BMP5: variants seen among roughly 807,000 people sequenced by gnomAD.
The protein encoded by BMP5 is bone morphogenetic protein 5.
A neutral mutation model predicts 46.6 loss-of-function variants in BMP5; 23 were observed. The observed-to-expected ratio is 0.49, with a 90% CI of 0.35 to 0.70. The LOEUF (loss-of-function observed/expected upper bound fraction) is 0.70. BMP5 is among the 30% of genes least tolerant of loss of function. The probability of loss-of-function intolerance (pLI) is 0.00; values close to 1 mark genes in which losing one functional copy is unlikely to be tolerated. For missense variants in BMP5, 545 were observed against 565.6 expected, an observed-to-expected ratio of 0.96 and a Z score of 0.37; for synonymous variants, 204 against 191.9, an observed-to-expected ratio of 1.06 and a Z score of -0.52.
At chr6:55,770,959 T>C (rs747613560) in intron 4 of BMP5, among the ~76,000 whole-genome samples, 3 of 151,898 alleles carry the variant, frequency 2.0e-5, no homozygotes, top group East Asian at 1.9e-4. Flanking sequence ...ACTGATAACA[T>C]AAACCATAAC....
At chr6:55,852,672 C>T (rs1227110007) in intron 1 of BMP5, among the ~76,000 whole-genome samples, 1 of 152,006 alleles carries the variant, frequency 6.6e-6, no homozygotes, top group Non-Finnish European at 1.5e-5. Flanking sequence ...CTAAAGAAAG[C>T]AATATTATCA....
intron 1 of BMP5, among the ~76,000 whole-genome samples, chr6:55,835,599 T>C (rs1363506235): frequency 3.3e-5 from 5 of 152,222 alleles, no homozygotes; most frequent in African/African-American, 9.6e-5. Context: ...AGTACTGTTG[T>C]GTTTAATGCT....
chr6:55,788,594 G>T (rs1775503091), intron 3 of BMP5, among the ~76,000 whole-genome samples: 1 of 151,752 alleles, frequency 6.6e-6, no homozygotes, highest in African/African-American at 2.4e-5. Context: ...AAAAGTCTGT[G>T]CAATCTCTAG....
At chr6:55,862,070 A>G (rs1392032032) in intron 1 of BMP5, among the ~76,000 whole-genome samples, 2 of 152,266 alleles carry the variant, frequency 1.3e-5, no homozygotes, top group Non-Finnish European at 2.9e-5. Context: ...TGTAGCAAAC[A>G]GAATATCCAC....
Position 55,755,623 on chromosome 6 carries a change from A to G in BMP5, c.1275T>C (p.Asn425=), listed in dbSNP as rs1190021917. The change falls in exon 7 of 7, where the codon AAT becomes AAC. Residue 425 remains asparagine (N), a synonymous_variant. Coordinates refer to ENST00000370830, the MANE Select transcript of BMP5 (RefSeq NM_021073.4). ...CATCAAAGTACAGAACAGAGATGGC[A>G]TTTAATTTGGTTGGAGCACAACAAG... ...PKPCCAPTKL[N]AISVLYFDDS... 1 of 1,612,374 alleles carries G rather than the reference A, an allele frequency of 6.2e-7. No homozygotes were observed. The highest frequency in any genetic ancestry group is 8.5e-7 in the Non-Finnish European group (1 of 1,178,890).
intron 3 of BMP5, among the ~76,000 whole-genome samples, chr6:55,779,703 T>C (rs1775261428): frequency 6.6e-6 from 1 of 152,066 alleles, no homozygotes; most frequent in African/African-American, 2.4e-5. Flanking sequence ...GTAATCTAGC[T>C]ACAAATTTCA....
intron 1 of BMP5, among the ~76,000 whole-genome samples, chr6:55,847,572 G>T (rs1021102777): frequency 6.6e-6 from 1 of 151,882 alleles, no homozygotes; most frequent in Non-Finnish European, 1.5e-5. Flanking sequence ...GCCAAAAAAA[G>T]TGCTATTATT....
At chr6:55,858,720 A>G (rs1777458587) in intron 1 of BMP5, among the ~76,000 whole-genome samples, 1 of 152,236 alleles carries the variant, frequency 6.6e-6, no homozygotes, top group Non-Finnish European at 1.5e-5. Context: ...AATAGCAAAG[A>G]CTTGGGTCCA....
chr6:55,795,763 G>A (rs1164015049), intron 2 of BMP5, among the ~76,000 whole-genome samples: 1 of 152,024 alleles, frequency 6.6e-6, no homozygotes, highest in Non-Finnish European at 1.5e-5. Context: ...AACTATGAAT[G>A]TTTTATTGTC....
At chr6:55,764,486 C>T (rs954038026) in intron 4 of BMP5, among the ~76,000 whole-genome samples, 13 of 150,208 alleles carry the variant, frequency 8.7e-5, no homozygotes, top group Middle Eastern at 3.5e-3. Flanking sequence ...GGCAGGAGAA[C>T]GGCGTGAACC....
At chr6:55,839,697 C>G (rs975230619) in intron 1 of BMP5, among the ~76,000 whole-genome samples, 1 of 152,162 alleles carries the variant, frequency 6.6e-6, no homozygotes, top group African/African-American at 2.4e-5. Flanking sequence ...GTTATATGTA[C>G]ATTTTCTTTA....
intron 3 of BMP5, among the ~76,000 whole-genome samples, chr6:55,781,677 G>C (rs369134882): frequency 6.7e-6 from 1 of 149,642 alleles, no homozygotes; most frequent in African/African-American, 2.5e-5. Flanking sequence ...ATGTGATTTC[G>C]GCTCACTGCA....
intron 1 of BMP5, among the ~76,000 whole-genome samples, chr6:55,867,958 C>T (rs1328134440): frequency 6.6e-6 from 1 of 152,144 alleles, no homozygotes; most frequent in Admixed American, 6.5e-5. Flanking sequence ...AAGAAAGCAA[C>T]TAAATTTAAT....
intron 1 of BMP5, among the ~76,000 whole-genome samples, chr6:55,852,788 T>A (rs1481486705): frequency 6.6e-6 from 1 of 152,162 alleles, no homozygotes; most frequent in Non-Finnish European, 1.5e-5. Flanking sequence ...TCTTCTGTTG[T>A]TTATTTTGCC....
intron 4 of BMP5, chr6:55,772,713 A>T: frequency 1.0e-6 from 1 of 976,984 alleles, no homozygotes; most frequent in Non-Finnish European, 1.2e-6. Flanking sequence ...AAAAGTGGTT[A>T]AATTTCTTTG....
intron 2 of BMP5, among the ~76,000 whole-genome samples, chr6:55,799,880 A>G (rs1444137397): frequency 6.6e-6 from 1 of 152,130 alleles, no homozygotes; most frequent in Non-Finnish European, 1.5e-5. Context: ...GATTCCTGGG[A>G]CTTTGGGGTA....
chr6:55,808,823 G>A (rs1776054409), intron 2 of BMP5, among the ~76,000 whole-genome samples: 1 of 152,094 alleles, frequency 6.6e-6, no homozygotes, highest in African/African-American at 2.4e-5. Context: ...ACAGAACCTG[G>A]ATACCTCGGT....
At chr6:55,818,373 C>T (rs1007114458) in intron 2 of BMP5, among the ~76,000 whole-genome samples, 2 of 151,896 alleles carry the variant, frequency 1.3e-5, no homozygotes, top group African/African-American at 4.8e-5. Context: ...GTTTTTCTGG[C>T]TCTCAAATAT....
At chr6:55,829,796 A>G (rs16887216) in intron 1 of BMP5, among the ~76,000 whole-genome samples, 1,950 of 152,132 alleles carry the variant, frequency 0.013, 41 homozygotes, top group African/African-American at 0.044. Flanking sequence ...GTGAAACACC[A>G]TATGTGATGT....
Sources: gnomAD v4.1 joint callset for allele counts (sites outside exome capture counted in the v4.1 genomes callset) on GRCh38, gnomAD v4.1.1 for gene constraint, MANE v1.5 for transcripts, NCBI Gene and HGNC (gene_info 2026-07-23, HGNC 2026-07-21) for gene names.